The following LRRC39 variants were observed in gnomAD, a reference collection of about 807,000 sequenced individuals.
The protein encoded by LRRC39 is leucine rich repeat containing 39.
In LRRC39, 35 loss-of-function variants were observed where a neutral mutation model predicts 39.7. That is an observed-to-expected ratio of 0.88 (90% CI 0.67 to 1.17). The LOEUF (loss-of-function observed/expected upper bound fraction) is 1.17. Ranked by LOEUF, LRRC39 falls within the 50% of genes most tolerant of loss-of-function variation. LRRC39 has a pLI of 0.00. For synonymous variants in LRRC39, 113 were observed against 134.1 expected, an observed-to-expected ratio of 0.84 and a Z score of 1.09; for missense variants, 357 against 385.8, an observed-to-expected ratio of 0.93 and a Z score of 0.62.
At chr1:100,178,396 T>A (rs1337157093), upstream of LRRC39, 1 of 152,198 alleles carries the variant, frequency 6.6e-6, no homozygotes, top group Non-Finnish European at 1.5e-5. Flanking sequence ...TATAAAACTA[T>A]CAGGCATAAC....
intron 5 of LRRC39, among the ~76,000 whole-genome samples, chr1:100,158,933 T>TC (rs1456238983): frequency 6.6e-6 from 1 of 152,192 alleles, no homozygotes; most frequent in African/African-American, 2.4e-5. Context: ...GATTTTTTTT[T>TC]CCCATTTGAA....
chr1:100,152,394 TC>T lies in LRRC39; in HGVS notation c.942del (p.Arg315GlufsTer17), dbSNP rs1557921631. 1 of 1,613,816 alleles carries T rather than the reference TC, an allele frequency of 6.2e-7. No homozygotes were observed. Among genetic ancestry groups the T allele is most frequent in the South Asian group, 1.1e-5 (1 of 91,032 alleles). ...TATACAAATCTTATACCTGCTCTTC[TC>T]CGTGACTCTTGTATGTATGTGTGCA... ...QFMHTYIQES[R>X]RRADHQVNGS... On this transcript the variant is annotated frameshift_variant, in exon 9 of 10. Transcript: ENST00000370137. LOFTEE classifies it low-confidence loss of function (END_TRUNC).
upstream of LRRC39, among the ~76,000 whole-genome samples, chr1:100,178,921 T>C (rs1660119833): frequency 6.6e-6 from 1 of 152,156 alleles, no homozygotes; most frequent in Non-Finnish European, 1.5e-5. Context: ...TGTGTACCTT[T>C]ACAAAGATGG....
In LRRC39 at chr1:100,172,226, A is replaced by T. The variant is rs544759438; in HGVS notation, c.-79+1105T>A. On this transcript the variant is annotated intron_variant, in intron 2 of 9. Coordinates refer to ENST00000370137, the MANE Select transcript of LRRC39 (RefSeq NM_144620.4). ...AGAATGAACTCTTCCTGAGAATAGA[A>T]AAGAAATACTCCCCAATTCAGATTA... Among the ~76,000 whole-genome samples, 3 of 152,306 alleles carry T rather than the reference A, an allele frequency of 2.0e-5. No homozygotes were observed. In the East Asian group the frequency reaches 5.8e-4, roughly 29 times the overall value.
chr1:100,173,944 AAATG>A, intron 1 of LRRC39, among the ~76,000 whole-genome samples: 1 of 152,344 alleles, frequency 6.6e-6, no homozygotes, highest in Admixed American at 6.5e-5. Flanking sequence ...AGGCCTAAAT[AAATG>A]AAGAGATATA....
intron 9 of LRRC39, chr1:100,150,537 C>G (rs1258020914): frequency 6.6e-6 from 1 of 152,128 alleles, no homozygotes; most frequent in Non-Finnish European, 1.5e-5. Flanking sequence ...CATACACACC[C>G]AAGAATTATC....
rs552423876 is a variant in LRRC39 at position 100,174,309 on chromosome 1, T to A, written c.-118-939A>T. ...TGCAGAACATTGTGGAAATTTTTTTTTTTTTTTAGACAGGGTCTGGTTCTG... is the reference window on the plus strand; with the variant it reads ...TGCAGAACATTGTGGAAATTTTTTTATTTTTTTAGACAGGGTCTGGTTCTG... On this transcript the variant is annotated intron_variant, in intron 1 of 9. Transcript: ENST00000370137. Among the ~76,000 whole-genome samples, 208 of 152,232 alleles carry A rather than the reference T, an allele frequency of 1.4e-3. No individual in the cohort carries two copies. In the South Asian group the frequency reaches 0.026, roughly 19 times the overall value.
At chr1:100,161,901 C>G (rs894423029) in intron 3 of LRRC39, among the ~76,000 whole-genome samples, 2 of 152,158 alleles carry the variant, frequency 1.3e-5, no homozygotes, top group Non-Finnish European at 2.9e-5. Flanking sequence ...CCTGCCTTGG[C>G]CACCCAAAGT....
intron 3 of LRRC39, 80 bp downstream of exon 3, chr1:100,168,324 G>C: frequency 3.1e-6 from 3 of 973,346 alleles, no homozygotes; most frequent in Non-Finnish European, 4.5e-6. Context: ...TCAATAACAA[G>C]GCATTTAGAA....
At chr1:100,162,535 A>T (rs1275633703) in intron 3 of LRRC39, among the ~76,000 whole-genome samples, 1 of 152,070 alleles carries the variant, frequency 6.6e-6, no homozygotes, top group Non-Finnish European at 1.5e-5. Flanking sequence ...GGTACTAGGA[A>T]GGATAAGGCA....
intron 9 of LRRC39, chr1:100,150,054 C>T (rs1413738127): frequency 6.6e-6 from 1 of 152,300 alleles, no homozygotes; most frequent in African/African-American, 2.4e-5. Context: ...GCTACCTAAT[C>T]TCTTTGTGCC....
At chr1:100,158,446 T>C (rs1255087727) in intron 5 of LRRC39, 79 bp from the exon 6 acceptor site, 1 of 1,316,036 alleles carries the variant, frequency 7.6e-7, no homozygotes. Context: ...CAGCATAACT[T>C]TTTTTTTTTG....
Position 100,159,325 on chromosome 1 carries a change from TTC to T in LRRC39, c.308_309del (p.Gly103GlufsTer27). 6.2e-7 allele frequency: 1 copy of T among 1,611,462 alleles called. No homozygotes were observed. The highest frequency in any genetic ancestry group is 8.5e-7 in the Non-Finnish European group (1 of 1,178,742). On this transcript the variant is annotated frameshift_variant, in exon 5 of 10. Coordinates refer to ENST00000370137, the MANE Select transcript of LRRC39 (RefSeq NM_144620.4). LOFTEE classifies it high-confidence loss of function. ...TCTAACACAATGAGGTTCTGGAATC[TTC>T]CAATGAATTCAGGAATTTTCAGCAA... ...TGLLKIPEFI[G>X]RFQNLIVLDL...
chr1:100,178,492 A>G (rs1468249561), upstream of LRRC39, among the ~76,000 whole-genome samples: 1 of 152,222 alleles, frequency 6.6e-6, no homozygotes, highest in Non-Finnish European at 1.5e-5. Flanking sequence ...TCATGCATCT[A>G]TTCCATCCAA....
intron 8 of LRRC39, among the ~76,000 whole-genome samples, chr1:100,153,564 T>C (rs1347164512): frequency 6.6e-6 from 1 of 152,012 alleles, no homozygotes; most frequent in Non-Finnish European, 1.5e-5. Context: ...AAAGAACTAA[T>C]ATCCAGAATC....
At chr1:100,151,718 T>C (rs961272493) in intron 9 of LRRC39, among the ~76,000 whole-genome samples, 3 of 152,214 alleles carry the variant, frequency 2.0e-5, no homozygotes, top group African/African-American at 7.2e-5. Flanking sequence ...AGGCCCTCAA[T>C]TAATTATCAG....
intron 9 of LRRC39, among the ~76,000 whole-genome samples, chr1:100,151,985 CTG>C (rs1389802604): frequency 6.6e-6 from 1 of 151,960 alleles, no homozygotes; most frequent in Non-Finnish European, 1.5e-5. Context: ...AAACAAAAAA[CTG>C]TGTTCTCAAT....
At chr1:100,174,355 T>C (rs896376561) in intron 1 of LRRC39, among the ~76,000 whole-genome samples, 1 of 151,876 alleles carries the variant, frequency 6.6e-6, no homozygotes, top group African/African-American at 2.4e-5. Flanking sequence ...TGGAGAGCAG[T>C]GGCATGATCT....
chr1:100,162,946 A>G (rs1041289621), intron 3 of LRRC39, among the ~76,000 whole-genome samples: 53 of 152,220 alleles, frequency 3.5e-4, no homozygotes, highest in African/African-American at 1.3e-3. Context: ...AAAAGTAAAC[A>G]AAGTGTTGAA....
Sources: gnomAD v4.1 joint callset for allele counts (sites outside exome capture counted in the v4.1 genomes callset) on GRCh38, gnomAD v4.1.1 for gene constraint, MANE v1.5 for transcripts, NCBI Gene and HGNC (gene_info 2026-07-23, HGNC 2026-07-21) for gene names.